Variants in DOCK1 observed in about 807,000 individuals in gnomAD.
The protein encoded by DOCK1 is dedicator of cytokinesis protein 1.
A neutral mutation model predicts 262.7 loss-of-function variants in DOCK1; 138 were observed. That is an observed-to-expected ratio of 0.53 (90% CI 0.46 to 0.61). The LOEUF is 0.61. DOCK1 is among the 20% of genes least tolerant of loss of function. The pLI is 0.00. For missense variants in DOCK1, 1,908 were observed against 2,370.7 expected (o/e 0.80, Z 4.05); for synonymous variants, 866 against 867.4 (o/e 1.00, Z 0.03).
At chr10:126,923,308 A>G (rs1027310252) in intron 1 of DOCK1, among the ~76,000 whole-genome samples, 10 of 152,178 alleles carry the variant, frequency 6.6e-5, no homozygotes, top group African/African-American at 2.4e-4. Context: ...TGCAAACTAT[A>G]TTAAAGTTAA....
intron 27 of DOCK1, among the ~76,000 whole-genome samples, chr10:127,242,180 C>T (rs890539248): frequency 6.6e-6 from 1 of 152,086 alleles, no homozygotes; most frequent in South Asian, 2.1e-4. Context: ...TTAATATGTG[C>T]CTTACTGTCA....
intron 26 of DOCK1, 30 bp from the exon 27 acceptor site, chr10:127,127,639 G>A: frequency 1.3e-6 from 2 of 1,556,854 alleles, no homozygotes; most frequent in Non-Finnish European, 1.8e-6. Context: ...TTTCTCTGGT[G>A]TTGGTGTTCA....
At chr10:127,389,623 G>C (rs117182010) in intron 38 of DOCK1, among the ~76,000 whole-genome samples, 1 of 152,246 alleles carries the variant, frequency 6.6e-6, no homozygotes, top group East Asian at 1.9e-4. Flanking sequence ...GTTGGAGGTG[G>C]GGCCTGGTGG....
chr10:127,057,061 T>C (rs972023990), intron 22 of DOCK1, among the ~76,000 whole-genome samples: 2 of 152,090 alleles, frequency 1.3e-5, no homozygotes, highest in African/African-American at 4.8e-5. Context: ...GAAATCGTTT[T>C]CCTAGCTTGT....
chr10:126,926,016 CAGTT>C (rs1259487131), intron 1 of DOCK1, among the ~76,000 whole-genome samples: 3 of 151,944 alleles, frequency 2.0e-5, no homozygotes, highest in African/African-American at 7.3e-5. Flanking sequence ...GACTTTGGCC[CAGTT>C]AGTTAACCGC....
At chr10:127,388,348 G>A (rs936720046) in intron 38 of DOCK1, among the ~76,000 whole-genome samples, 2 of 152,148 alleles carry the variant, frequency 1.3e-5, no homozygotes, top group Non-Finnish European at 2.9e-5. Context: ...ATATTTCCAC[G>A]AGAATGTTAA....
intron 27 of DOCK1, among the ~76,000 whole-genome samples, chr10:127,216,630 G>A (rs1242878724): frequency 1.3e-5 from 2 of 152,170 alleles, no homozygotes; most frequent in East Asian, 1.9e-4. Context: ...TGATAAAGTC[G>A]TGATTTCTCC....
intron 23 of DOCK1, among the ~76,000 whole-genome samples, chr10:127,076,271 G>A (rs1401286508): frequency 6.6e-6 from 1 of 152,206 alleles, no homozygotes; most frequent in South Asian, 2.1e-4. Flanking sequence ...GGAGGCCGAG[G>A]TGGGCGGATC....
intron 45 of DOCK1, among the ~76,000 whole-genome samples, chr10:127,419,042 C>T (rs980034036): frequency 3.9e-5 from 6 of 152,156 alleles, no homozygotes; most frequent in African/African-American, 9.7e-5. Flanking sequence ...GGAAGAAGGC[C>T]ACGCCTGTGC....
At chr10:127,251,329 GTTA>G (rs987358106) in intron 28 of DOCK1, among the ~76,000 whole-genome samples, 7 of 151,676 alleles carry the variant, frequency 4.6e-5, no homozygotes, top group African/African-American at 9.7e-5. Flanking sequence ...ATTATTTGAT[GTTA>G]TTTCGTATTT....
At chr10:127,212,797 C>T (rs1364118947) in intron 27 of DOCK1, among the ~76,000 whole-genome samples, 4 of 149,212 alleles carry the variant, frequency 2.7e-5, no homozygotes, top group Admixed American at 6.6e-5. Flanking sequence ...TTCATGTTCT[C>T]CCCACCCCTT....
At chr10:127,160,355 A>G (rs2053492025) in intron 27 of DOCK1, among the ~76,000 whole-genome samples, 1 of 152,174 alleles carries the variant, frequency 6.6e-6, no homozygotes, top group Admixed American at 6.5e-5. Flanking sequence ...TTAAATTCTC[A>G]ATGGAAAGTT....
intron 46 of DOCK1, among the ~76,000 whole-genome samples, chr10:127,420,035 G>C (rs1359151559): frequency 1.3e-5 from 2 of 152,212 alleles, no homozygotes; most frequent in Non-Finnish European, 2.9e-5. Context: ...TTCTCTGTCT[G>C]TATTGATAGA....
chr10:126,978,036 C>T, intron 3 of DOCK1, 48 bp downstream of exon 3: 1 of 1,553,032 alleles, frequency 6.4e-7, no homozygotes, highest in African/African-American at 1.4e-5. Flanking sequence ...ATAAATCACA[C>T]CTTGAGAGGA....
chr10:126,933,343 A>C (rs1031074334), intron 1 of DOCK1, among the ~76,000 whole-genome samples: 2 of 152,186 alleles, frequency 1.3e-5, no homozygotes, highest in Non-Finnish European at 2.9e-5. Context: ...AAGATGAGAA[A>C]TGATACTGTC....
intron 13 of DOCK1, among the ~76,000 whole-genome samples, chr10:127,020,267 A>G (rs889163718): frequency 3.9e-5 from 6 of 152,222 alleles, no homozygotes; most frequent in Non-Finnish European, 8.8e-5. Context: ...ATACAGATTT[A>G]TAAATTAGGA....
intron 30 of DOCK1, among the ~76,000 whole-genome samples, chr10:127,343,359 T>A (rs1182013010): frequency 6.6e-6 from 1 of 152,226 alleles, no homozygotes; most frequent in Non-Finnish European, 1.5e-5. Context: ...TAGATACTCT[T>A]GAAATTCACA....
At chr10:127,385,541 T>A (rs1229728624) in intron 38 of DOCK1, among the ~76,000 whole-genome samples, 1 of 152,232 alleles carries the variant, frequency 6.6e-6, no homozygotes. Flanking sequence ...AGAACCTGTT[T>A]TATTTTTCTT....
At chr10:126,979,829 G>A (rs2038820058) in intron 3 of DOCK1, among the ~76,000 whole-genome samples, 2 of 152,170 alleles carry the variant, frequency 1.3e-5, no homozygotes, top group Admixed American at 1.3e-4. Context: ...CTGGCACCAC[G>A]TGTCTGTAAA....
Sources: gnomAD v4.1 joint callset for allele counts (sites outside exome capture counted in the v4.1 genomes callset) on GRCh38, gnomAD v4.1.1 for gene constraint, MANE v1.5 for transcripts, NCBI Gene and HGNC (gene_info 2026-07-23, HGNC 2026-07-21) for gene names.